The following DAP3 variants were observed in gnomAD, a reference collection of about 807,000 sequenced individuals.
The protein encoded by DAP3 is small ribosomal subunit protein mS29.
Under a neutral mutation model 51.9 loss-of-function variants are expected in DAP3, and 28 were observed. That is an observed-to-expected ratio of 0.54 (90% CI 0.40 to 0.74). The LOEUF is 0.74. Ranked by LOEUF, DAP3 falls within the 30% of genes least tolerant of loss-of-function variation. The probability of loss-of-function intolerance (pLI) is 0.00; values close to 1 mark genes in which losing one functional copy is unlikely to be tolerated. For missense variants in DAP3, 458 were observed against 483.5 expected, an observed-to-expected ratio of 0.95 and a Z score of 0.49; for synonymous variants, 170 against 170.3, an observed-to-expected ratio of 1.00 and a Z score of 0.01.
At chr1:155,708,427 A>G (rs984144011) in intron 1 of DAP3, among the ~76,000 whole-genome samples, 5 of 152,078 alleles carry the variant, frequency 3.3e-5, no homozygotes, top group African/African-American at 1.2e-4. Flanking sequence ...CTTTGCAAAG[A>G]TAGTGTATTT....
intron 2 of DAP3, among the ~76,000 whole-genome samples, chr1:155,716,630 T>G (rs1473910485): frequency 2.0e-5 from 3 of 150,780 alleles, no homozygotes; most frequent in Non-Finnish European, 4.4e-5. Context: ...TGGCTCACCT[T>G]CTCAGTGTTT....
chr1:155,730,012 G>A (rs569266343), intron 9 of DAP3, among the ~76,000 whole-genome samples: 17 of 150,946 alleles, frequency 1.1e-4, no homozygotes, highest in African/African-American at 3.4e-4. Flanking sequence ...CCCAGGAGGC[G>A]GAGGTTGCAG....
At position 155,729,107 on chromosome 1, in the gene DAP3, A is replaced by C; in HGVS notation, c.669A>C (p.Gly223=). 6.2e-7 allele frequency: 1 copy of C among 1,614,154 alleles called. No individual in the cohort carries two copies. Among genetic ancestry groups the C allele is most frequent in the Non-Finnish European group, 8.5e-7 (1 of 1,180,024 alleles). ...GCACTGAGAAAGGGAGTCCTCTGGG[A>C]GAAGTGGTTGAACAGGTATAAGAAA... is the stretch of plus-strand genomic sequence containing the variant. The part of the protein sequence containing the change: ...RESTEKGSPL[G]EVVEQGITRV... Residue 223 remains glycine, a synonymous_variant, in exon 8 of 13, where the codon GGA becomes GGC. Transcript: ENST00000368336.
At chr1:155,736,627 G>C (rs1659829153) in intron 11 of DAP3, 1 of 323,674 alleles carries the variant, frequency 3.1e-6, no homozygotes, top group South Asian at 3.1e-5. Context: ...ACATGGCCCA[G>C]GCTCGTCTGG....
Position 155,729,077 on chromosome 1 carries a change from A to G in DAP3, c.639A>G (p.Arg213=), listed in dbSNP as rs1383224520. The change falls in exon 8 of 13, where the codon AGA becomes AGG. Residue 213 remains arginine (R), a synonymous_variant. Transcript: ENST00000368336. ...AAGAGAAGTATGTCTGGAATAAGAGAGAAAGCACTGAGAAAGGGAGTCCTC... is the reference window on the plus strand; with the variant it reads ...AAGAGAAGTATGTCTGGAATAAGAGGGAAAGCACTGAGAAAGGGAGTCCTC... ...KVQEKYVWNK[R]ESTEKGSPLG... 1.2e-6 allele frequency: 2 copies of G among 1,613,976 alleles called. No homozygotes were observed. The highest frequency in any genetic ancestry group is 1.7e-6 in the Non-Finnish European group (2 of 1,180,032).
At chr1:155,713,854 G>A (rs1207535693) in intron 2 of DAP3, among the ~76,000 whole-genome samples, 1 of 152,152 alleles carries the variant, frequency 6.6e-6, no homozygotes, top group Non-Finnish European at 1.5e-5. Flanking sequence ...ATACTGTATT[G>A]CCTAACATCT....
chr1:155,734,944 A>G (rs1191352956), intron 11 of DAP3, among the ~76,000 whole-genome samples: 2 of 152,100 alleles, frequency 1.3e-5, no homozygotes, highest in Admixed American at 1.3e-4. Context: ...GCTCAATACT[A>G]GAATATATGA....
Position 155,721,571 on chromosome 1 carries a change from T to C in DAP3, c.223T>C (p.Leu75=), listed in dbSNP as rs780098429. The C allele has an allele frequency of 5.0e-5, 81 of 1,613,906 alleles. No homozygotes were observed. The highest frequency in any genetic ancestry group is 6.6e-5 in the Non-Finnish European group (78 of 1,180,020). Residue 75 remains leucine (L), a synonymous_variant, in exon 4 of 13, where the codon TTG becomes CTG. Transcript: ENST00000368336. ...GCACTACAACATCTCCCCCCAGGAT[T>C]TGGAGACTGTATTTCCCCATGGCCT... is the stretch of plus-strand genomic sequence containing the variant. ...GQHYNISPQD[L]ETVFPHGLPP... is the part of the protein sequence containing the mutation.
At chr1:155,699,246 C>A (rs1423169514) in intron 1 of DAP3, among the ~76,000 whole-genome samples, 4 of 152,210 alleles carry the variant, frequency 2.6e-5, no homozygotes. Flanking sequence ...TTAAGTGAAT[C>A]TCCTTTGTGC....
intron 12 of DAP3, among the ~76,000 whole-genome samples, chr1:155,737,821 A>G (rs1197439647): frequency 3.3e-5 from 5 of 152,308 alleles, no homozygotes; most frequent in South Asian, 2.1e-4. Flanking sequence ...AGTACAGTGA[A>G]GAGTGTAAGA....
intron 1 of DAP3, among the ~76,000 whole-genome samples, chr1:155,705,862 G>A (rs1295597704): frequency 2.6e-5 from 4 of 151,800 alleles, no homozygotes. Context: ...CACCATGCCA[G>A]GCTTATTTTT....
At chr1:155,698,832 G>T (rs1433015092) in intron 1 of DAP3, among the ~76,000 whole-genome samples, 1 of 152,120 alleles carries the variant, frequency 6.6e-6, no homozygotes, top group Non-Finnish European at 1.5e-5. Context: ...TCCCATTTGT[G>T]TCCCTAGCTT....
chr1:155,718,749 T>TAG (rs200464386), intron 3 of DAP3, among the ~76,000 whole-genome samples: 6 of 137,724 alleles, frequency 4.4e-5, no homozygotes, highest in South Asian at 2.3e-4. Context: ...GATAGATAGA[T>TAG]ATAGATATAG....
chr1:155,730,330 C>A, intron 9 of DAP3, among the ~76,000 whole-genome samples: 1 of 151,726 alleles, frequency 6.6e-6, no homozygotes, highest in East Asian at 1.9e-4. Context: ...AACAGCAAGG[C>A]CTGGTGTGAT....
Position 155,731,967 on chromosome 1 carries a change from T to C in DAP3, c.927T>C (p.Ala309=), listed in dbSNP as rs147434037. The part of the protein sequence containing the change: ...NDWHGGAIVS[A]LSQTGSLFKP... ...AGCATGGAGGCGCCATTGTGTCGGCTTTGAGCCAGACTGGGTCTCTCTTTA... is the reference window on the plus strand; with the variant it reads ...AGCATGGAGGCGCCATTGTGTCGGCCTTGAGCCAGACTGGGTCTCTCTTTA... Residue 309 remains alanine, a synonymous_variant, in exon 11 of 13, where the codon GCT becomes GCC. Coordinates refer to ENST00000368336, the MANE Select transcript of DAP3 (RefSeq NM_004632.4). 1.9e-6 allele frequency: 3 copies of C among 1,611,810 alleles called. No individual in the cohort carries two copies. The African/African-American group carries it at 4.0e-5, about 22-fold the overall frequency.
upstream of DAP3, chr1:155,689,003 G>C (rs746636677): frequency 6.6e-5 from 106 of 1,597,122 alleles, 1 homozygote; most frequent in Non-Finnish European, 8.7e-5. Context: ...GATCGAGGGC[G>C]GCCTAGCGCC....
intron 11 of DAP3, among the ~76,000 whole-genome samples, chr1:155,735,828 C>CGG (rs1659722971): frequency 6.8e-6 from 1 of 148,136 alleles, no homozygotes; most frequent in Admixed American, 6.7e-5. Context: ...CGCATCACCA[C>CGG]GCCTGGCTAA....
chr1:155,693,981 A>T (rs1471792936), intron 1 of DAP3, among the ~76,000 whole-genome samples: 1 of 141,630 alleles, frequency 7.1e-6, no homozygotes, highest in Non-Finnish European at 1.5e-5. Context: ...GAAAGAAAAA[A>T]AAAGAGATAC....
At chr1:155,725,893 C>T (rs367904883) in intron 5 of DAP3, 34 bp from the exon 6 acceptor site, 6 of 1,588,720 alleles carry the variant, frequency 3.8e-6, no homozygotes, top group Admixed American at 3.4e-5. Context: ...AGTGATCCTT[C>T]CAGTCATGTT....
Sources: gnomAD v4.1 joint callset for allele counts (sites outside exome capture counted in the v4.1 genomes callset) on GRCh38, gnomAD v4.1.1 for gene constraint, MANE v1.5 for transcripts, NCBI Gene and HGNC (gene_info 2026-07-23, HGNC 2026-07-21) for gene names.